Variants in MEGF10 observed in about 807,000 individuals in gnomAD.
MEGF10 encodes the protein multiple epidermal growth factor-like domains protein 10.
Under a neutral mutation model 147.5 loss-of-function variants are expected in MEGF10, and 86 were observed. The observed-to-expected ratio is 0.58, with a 90% CI of 0.49 to 0.70. The LOEUF (loss-of-function observed/expected upper bound fraction) is 0.70. MEGF10 is among the 30% of genes least tolerant of loss of function. MEGF10 has a pLI of 0.00. For synonymous variants in MEGF10, 478 were observed against 525.5 expected, an observed-to-expected ratio of 0.91 and a Z score of 1.24; for missense variants, 1,329 against 1,487.3, an observed-to-expected ratio of 0.89 and a Z score of 1.75.
At position 127,398,706 on chromosome 5, in the gene MEGF10, T is replaced by A. The variant is rs759001222; in HGVS notation, c.690T>A (p.His230Gln). Residue 230 changes from histidine to glutamine, a missense_variant, in exon 7 of 25, where the codon CAT becomes CAA. Coordinates refer to ENST00000503335, the MANE Select transcript of MEGF10 (RefSeq NM_001256545.2). ...FCEDLCPPGK[H>Q]GPQCEQRCPC... is the part of the protein sequence containing the mutation. Reference sequence around the variant, plus strand: ...AGGATCTTTGTCCTCCTGGTAAACATGGTCCACAGTGTGAGCAGAGATGCC... The same window carrying A: ...AGGATCTTTGTCCTCCTGGTAAACAAGGTCCACAGTGTGAGCAGAGATGCC... 5 of 1,614,148 alleles carry A rather than the reference T, an allele frequency of 3.1e-6. No individual in the cohort carries two copies. The highest frequency in any genetic ancestry group is 4.2e-6 in the Non-Finnish European group (5 of 1,180,000).
intron 20 of MEGF10, among the ~76,000 whole-genome samples, chr5:127,445,922 G>T (rs1302681672): frequency 1.3e-5 from 2 of 152,166 alleles, no homozygotes; most frequent in Non-Finnish European, 2.9e-5. Context: ...AGCTCATTGT[G>T]TTTGTGGTTT....
chr5:127,243,483 A>G, the MEGF10 span, among the ~76,000 whole-genome samples: 1 of 152,182 alleles, frequency 6.6e-6, no homozygotes, highest in Non-Finnish European at 1.5e-5. Flanking sequence ...AGTATGTCCA[A>G]TTTTTCTTTC....
Position 127,449,007 on chromosome 5 carries a change from T to G in MEGF10, c.2857-92T>G, listed in dbSNP as rs1015132763. ...GGTCACTCTAAGGACTGGTCCTCAATATGTGCCCTGGACTTTTCCCCAGGT... is the reference window on the plus strand; with the variant it reads ...GGTCACTCTAAGGACTGGTCCTCAAGATGTGCCCTGGACTTTTCCCCAGGT... On this transcript the variant is annotated intron_variant, in intron 21 of 24. Coordinates refer to ENST00000503335, the MANE Select transcript of MEGF10 (RefSeq NM_001256545.2). 134 of 1,529,446 alleles carry G rather than the reference T, an allele frequency of 8.8e-5. No homozygotes were observed. In the African/African-American group the frequency reaches 1.8e-3, roughly 20 times the overall value. The allele number at this position is 1,529,446 out of a possible 1,614,324, so 94.7% of individuals were successfully genotyped here. A position where few individuals can be genotyped will look rare whatever the true frequency, so the allele number is the denominator to read the frequency against.
At chr5:127,333,272 T>A (rs1255121354) in intron 2 of MEGF10, among the ~76,000 whole-genome samples, 1 of 151,970 alleles carries the variant, frequency 6.6e-6, no homozygotes, top group African/African-American at 2.4e-5. Flanking sequence ...TCCCAGCACA[T>A]TGGGAGGCCA....
rs190545489 is a variant in MEGF10, at chr5:127,312,896, T to G, written c.-18-18395T>G. ...ATTACCATATTTTAATAAGATAAATTATCTTGAAAAAAATTTAATTACATC... is the reference window on the plus strand; with the variant it reads ...ATTACCATATTTTAATAAGATAAATGATCTTGAAAAAAATTTAATTACATC... On this transcript the variant is annotated intron_variant, in intron 1 of 24. Transcript: ENST00000503335. Among the ~76,000 whole-genome samples the G allele has an allele frequency of 2.7e-4, 41 of 152,270 alleles. 1 individual carries two copies. The East Asian group carries it at 7.9e-3, about 29-fold the overall frequency.
At chr5:127,375,388 G>A (rs536478779) in intron 5 of MEGF10, among the ~76,000 whole-genome samples, 1 of 152,066 alleles carries the variant, frequency 6.6e-6, no homozygotes, top group Non-Finnish European at 1.5e-5. Flanking sequence ...GGCTTTCCTG[G>A]GTCTCAATGT....
At chr5:127,322,559 A>T (rs145415453) in intron 1 of MEGF10, among the ~76,000 whole-genome samples, 384 of 152,302 alleles carry the variant, frequency 2.5e-3, no homozygotes, top group African/African-American at 8.8e-3. Flanking sequence ...TACATTGCCC[A>T]GTCATTACCA....
chr5:127,388,827 G>A lies in MEGF10; in HGVS notation c.413-7705G>A, dbSNP rs1763539120. ...CCCAAAGTGCTGGGATTGCAGGCAT[G>A]AGCCACTGCCCCTGGCCAATTTTAT... On this transcript the variant is annotated intron_variant, in intron 5 of 24. Transcript: ENST00000503335. Among the ~76,000 whole-genome samples the A allele has an allele frequency of 2.0e-5, 3 of 152,200 alleles. No individual in the cohort carries two copies. In the South Asian group the frequency reaches 6.2e-4, roughly 32 times the overall value.
intron 18 of MEGF10, among the ~76,000 whole-genome samples, chr5:127,442,332 C>G (rs966411892): frequency 6.6e-6 from 1 of 152,146 alleles, no homozygotes; most frequent in African/African-American, 2.4e-5. Flanking sequence ...TATTTTGTCA[C>G]GAAGATTTTT....
chr5:127,288,852 C>T (rs1365838248), upstream of MEGF10, among the ~76,000 whole-genome samples: 2 of 152,130 alleles, frequency 1.3e-5, no homozygotes, highest in Admixed American at 1.3e-4. Context: ...AACTGGCAAA[C>T]AAATTGTGGT....
At chr5:127,280,514 CTG>C in the MEGF10 span, among the ~76,000 whole-genome samples, 1 of 152,230 alleles carries the variant, frequency 6.6e-6, no homozygotes, top group African/African-American at 2.4e-5. Context: ...CATCTGTTAA[CTG>C]TGTTTCTCCC....
chr5:127,329,992 G>T (rs917841704), intron 1 of MEGF10, among the ~76,000 whole-genome samples: 1 of 151,968 alleles, frequency 6.6e-6, no homozygotes, highest in Non-Finnish European at 1.5e-5. Context: ...TGATATCAGA[G>T]GAACCTTCAA....
At chr5:127,342,348 A>G (rs532322481) in intron 4 of MEGF10, among the ~76,000 whole-genome samples, 1 of 152,250 alleles carries the variant, frequency 6.6e-6, no homozygotes, top group African/African-American at 2.4e-5. Flanking sequence ...TCAACATACC[A>G]AGAGAGTACT....
chr5:127,426,645 T>C (rs1042542300), intron 13 of MEGF10, among the ~76,000 whole-genome samples: 4 of 152,240 alleles, frequency 2.6e-5, no homozygotes, highest in African/African-American at 9.6e-5. Context: ...AAATTTCAGA[T>C]GTCAATGAAA....
At chr5:127,365,843 A>T (rs937939803) in intron 4 of MEGF10, among the ~76,000 whole-genome samples, 1 of 152,194 alleles carries the variant, frequency 6.6e-6, no homozygotes, top group South Asian at 2.1e-4. Context: ...TTGCCCTTTT[A>T]AAAAAAGAAG....
intron 8 of MEGF10, among the ~76,000 whole-genome samples, chr5:127,404,849 G>A (rs1029887879): frequency 6.6e-6 from 1 of 151,834 alleles, no homozygotes; most frequent in African/African-American, 2.4e-5. Context: ...CCTAGTAGTT[G>A]GGATTACAGG....
chr5:127,333,510 C>CAA (rs5871249), intron 2 of MEGF10, among the ~76,000 whole-genome samples: 6 of 98,146 alleles, frequency 6.1e-5, no homozygotes, highest in African/African-American at 2.3e-4. Flanking sequence ...GACCCTGCCT[C>CAA]AAAAAAAATA....
In MEGF10 at chr5:127,359,927, T is replaced by C. The variant is rs1157260821; in HGVS notation, c.320-9983T>C. Among the ~76,000 whole-genome samples, 11 of 152,242 alleles carry C rather than the reference T, an allele frequency of 7.2e-5. 1 individual carries two copies. In the South Asian group the frequency reaches 8.3e-4, roughly 11 times the overall value. ...GATGGCTGAACCACTTGGTAGTTGATACAGAAGTGTTCAGAGATACTTTAT... is the reference window on the plus strand; with the variant it reads ...GATGGCTGAACCACTTGGTAGTTGACACAGAAGTGTTCAGAGATACTTTAT... On this transcript the variant is annotated intron_variant, in intron 4 of 24. Transcript: ENST00000503335.
At chr5:127,306,665 C>T (rs116194529) in intron 1 of MEGF10, among the ~76,000 whole-genome samples, 2,786 of 152,272 alleles carry the variant, frequency 0.018, 137 homozygotes, top group Admixed American at 0.11. Flanking sequence ...GGCAGCTAAG[C>T]GAAGATGCTC....
Sources: gnomAD v4.1 joint callset for allele counts (sites outside exome capture counted in the v4.1 genomes callset) on GRCh38, gnomAD v4.1.1 for gene constraint, MANE v1.5 for transcripts, NCBI Gene and HGNC (gene_info 2026-07-23, HGNC 2026-07-21) for gene names.